Variants in SH3D21 observed in about 807,000 individuals in gnomAD.
The protein encoded by SH3D21 is manchette microtubule inner protein 1, also known as SH3 domain-containing protein 21.
In SH3D21, 83 loss-of-function variants were observed where a neutral mutation model predicts 82.1. The ratio of observed to expected loss-of-function variants is 1.01; its 90% CI spans 0.85 to 1.21. The LOEUF is 1.21. SH3D21 is among the 50% of genes most tolerant of loss of function. The pLI, the probability that SH3D21 is intolerant of heterozygous loss-of-function variation, is 0.00. For synonymous variants in SH3D21, 383 were observed against 387.8 expected, an observed-to-expected ratio of 0.99 and a Z score of 0.15; for missense variants, 980 against 962.1, an observed-to-expected ratio of 1.02 and a Z score of -0.25.
At chr1:36,313,972 C>CTTTTTTTTTTGTTTTTTTTTTTTT (rs1646291582) in intron 10 of SH3D21, among the ~76,000 whole-genome samples, 1 of 36,784 alleles carries the variant, frequency 2.7e-5, no homozygotes, top group Non-Finnish European at 5.4e-5. Flanking sequence ...AACATATTTT[C>CTTTTTTTTTTGTTTTTTTTTTTTT]TTTTTTTTTT....
In SH3D21 at chr1:36,306,660, G is replaced by A; in HGVS notation, c.67G>A (p.Asp23Asn). The A allele has an allele frequency of 1.5e-6, 2 of 1,300,230 alleles. No homozygotes were observed. Among genetic ancestry groups the A allele is most frequent in the Non-Finnish European group, 2.0e-6 (2 of 988,446 alleles). The allele number at this position is 1,300,230 out of a possible 1,614,324, so 80.5% of individuals were successfully genotyped here. The change falls in exon 2 of 16, where the codon GAC becomes AAC. Residue 23 changes from aspartate to asparagine, a missense_variant. Coordinates refer to ENST00000453908, the MANE Select transcript of SH3D21 (RefSeq NM_001162530.2). The surrounding 1 kb of genome is among the most constrained non-coding windows in gnomAD (Gnocchi z 4.5). Reference sequence around the variant, plus strand: ...GGACGAGCTGAGTCTGGCGCCCGGGGACGTGGTCCGGCAGGTGCGCTGGGT... The same window carrying A: ...GGACGAGCTGAGTCTGGCGCCCGGGAACGTGGTCCGGCAGGTGCGCTGGGT... ...KEDELSLAPGDVVRQVRWVPA... is the reference protein window; with the variant it reads ...KEDELSLAPGNVVRQVRWVPA...
chr1:36,320,675 C>T lies in SH3D21; in HGVS notation c.2012C>T (p.Ala671Val), dbSNP rs748438005. Reference sequence around the variant, plus strand: ...CCTCCAGACTCCCAAGAGACGCTCGCGCTCCCCTCGCTGGTCCCGCAAAAC... The same window carrying T: ...CCTCCAGACTCCCAAGAGACGCTCGTGCTCCCCTCGCTGGTCCCGCAAAAC... ...KPPPDSQETL[A>V]LPSLVPQNYT... is the part of the protein sequence containing the mutation. Residue 671 changes from alanine to valine, a missense_variant, in exon 14 of 16, where the codon GCG (alanine) becomes GTG (valine). By Grantham distance (64) the Ala-to-Val change is moderately conservative. Coordinates refer to ENST00000453908, the MANE Select transcript of SH3D21 (RefSeq NM_001162530.2). 1 of 1,614,250 alleles carries T rather than the reference C, an allele frequency of 6.2e-7. No individual in the cohort carries two copies. The highest frequency in any genetic ancestry group is 8.5e-7 in the Non-Finnish European group (1 of 1,180,044).
chr1:36,307,466 A>G lies in SH3D21; in HGVS notation c.346-51A>G. 6.5e-7 allele frequency: 1 copy of G among 1,539,916 alleles called. No individual in the cohort carries two copies. Among genetic ancestry groups the G allele is most frequent in the Non-Finnish European group, 8.8e-7 (1 of 1,138,374 alleles). On this transcript the variant is annotated intron_variant, in intron 4 of 15. Coordinates refer to ENST00000453908, the MANE Select transcript of SH3D21 (RefSeq NM_001162530.2). The surrounding 1 kb of genome is among the most constrained non-coding windows in gnomAD (Gnocchi z 5.4). ...AGAACCAAGGGTGGCAGATTATCCT[A>G]GGGACTCTTGGGGCAGAACCAGACG... is the stretch of plus-strand genomic sequence containing the variant.
intron 10 of SH3D21, among the ~76,000 whole-genome samples, chr1:36,317,854 G>T (rs529907687): frequency 7.9e-5 from 12 of 152,182 alleles, no homozygotes; most frequent in Non-Finnish European, 1.8e-4. Context: ...GTGGGCCACC[G>T]CGCCTAGCCC....
chr1:36,307,569 C>T lies in SH3D21; in HGVS notation c.398C>T (p.Pro133Leu), dbSNP rs1244762508. 1.3e-6 allele frequency: 2 copies of T among 1,551,670 alleles called. No individual in the cohort carries two copies. The highest frequency in any genetic ancestry group is 2.4e-5 in the East Asian group (1 of 40,916). Residue 133 changes from proline to leucine, a missense_variant, in exon 5 of 16, where the codon CCA becomes CTA. Physicochemically the swap from Pro to Leu is moderately conservative, Grantham distance 98 (BLOSUM62 -3). Transcript: ENST00000453908. The surrounding 1 kb of genome is among the most constrained non-coding windows in gnomAD (Gnocchi z 5.4). ...GKKNGQLGAF[P>L]SNFVELLDSG... is the part of the protein sequence containing the mutation. ...AAGAACGGGCAGCTGGGAGCCTTCC[C>T]ATCCAACTTTGTGGAATTGCTGGAC...
chr1:36,313,156 C>T (rs1187837007), intron 10 of SH3D21, among the ~76,000 whole-genome samples: 2 of 151,944 alleles, frequency 1.3e-5, no homozygotes. Flanking sequence ...AACCCCGTCT[C>T]TACTAAAAAT....
rs545289904 is a variant in SH3D21 at position 36,320,699 on chromosome 1, A to G, written c.2036A>G (p.Asn679Ser). Residue 679 changes from asparagine (N) to serine (S), a missense_variant, in exon 14 of 16, where the codon AAC becomes AGC. Coordinates refer to ENST00000453908, the MANE Select transcript of SH3D21 (RefSeq NM_001162530.2). ...TLALPSLVPQ[N>S]YTENKNEGVD... ...GCGCTCCCCTCGCTGGTCCCGCAAA[A>G]CTACACGGAAAACAAGAATGAAGGA... 6.2e-7 allele frequency: 1 copy of G among 1,614,098 alleles called. No individual in the cohort carries two copies. The highest frequency in any genetic ancestry group is 2.2e-5 in the East Asian group (1 of 44,890).
chr1:36,317,753 G>A (rs568250620), intron 10 of SH3D21, among the ~76,000 whole-genome samples: 4 of 152,140 alleles, frequency 2.6e-5, no homozygotes, highest in African/African-American at 9.6e-5. Context: ...TAGTAGAGAC[G>A]GGGTTTCACC....
chr1:36,317,912 A>G (rs917537611), intron 10 of SH3D21, among the ~76,000 whole-genome samples: 2 of 152,084 alleles, frequency 1.3e-5, no homozygotes, highest in Admixed American at 6.6e-5. Context: ...CTAACACACT[A>G]TGTATTTTAC....
Position 36,308,471 on chromosome 1 carries a change from C to T in SH3D21, c.722C>T (p.Pro241Leu). 7 of 1,551,400 alleles carry T rather than the reference C, an allele frequency of 4.5e-6. No individual in the cohort carries two copies. Among genetic ancestry groups the T allele is most frequent in the South Asian group, 1.2e-5 (1 of 84,022 alleles). The change falls in exon 9 of 16, where the codon CCC (proline) becomes CTC (leucine). Residue 241 changes from proline to leucine, a missense_variant. Coordinates refer to ENST00000453908, the MANE Select transcript of SH3D21 (RefSeq NM_001162530.2). ...VFPDNFVLPPPPIKKLVPRKV... is the reference protein window; with the variant it reads ...VFPDNFVLPPLPIKKLVPRKV... ...CCAGACAACTTTGTACTCCCACCACCCCCAGTGAGTACAGAGCCAAGACAC... is the reference window on the plus strand; with the variant it reads ...CCAGACAACTTTGTACTCCCACCACTCCCAGTGAGTACAGAGCCAAGACAC...
At chr1:36,327,570 A>G, downstream of SH3D21, 1 of 897,558 alleles carries the variant, frequency 1.1e-6, no homozygotes. Context: ...AGGCAAAAGT[A>G]TGTTTGTGTC....
At position 36,320,117 on chromosome 1, in the gene SH3D21, T is replaced by G; in HGVS notation, c.1454T>G (p.Val485Gly). The G allele has an allele frequency of 6.2e-7, 1 of 1,613,926 alleles. No homozygotes were observed. Among genetic ancestry groups the G allele is most frequent in the Non-Finnish European group, 8.5e-7 (1 of 1,180,012 alleles). Reference protein sequence around the residue: ...LGDEAPTLEKVLTPELSEEEV... With the variant: ...LGDEAPTLEKGLTPELSEEEV... ...GATGAGGCCCCCACTCTAGAAAAGG[T>G]CTTGACCCCAGAGCTTTCTGAAGAA... The change falls in exon 14 of 16, where the codon GTC (valine) becomes GGC (glycine). Residue 485 changes from valine to glycine, a missense_variant. Physicochemically the swap from Val to Gly is moderately radical, Grantham distance 109. Transcript: ENST00000453908.
intron 9 of SH3D21, 34 bp from the exon 10 acceptor site, chr1:36,309,514 A>T (rs1386499229): frequency 6.4e-7 from 1 of 1,550,782 alleles, no homozygotes; most frequent in African/African-American, 1.4e-5. Context: ...TTTTTAGATT[A>T]AGGATGCTCA....
In SH3D21 at chr1:36,307,938, C is replaced by T. The variant is rs1421434610; in HGVS notation, c.513C>T (p.Asp171=). Residue 171 remains aspartate, a synonymous_variant, in exon 7 of 16, where the codon GAC becomes GAT. Coordinates refer to ENST00000453908, the MANE Select transcript of SH3D21 (RefSeq NM_001162530.2). This position sits in a 1 kb window ranked among gnomAD's most constrained non-coding sequence, Gnocchi z 5.4. ...ACTAGCTGAGCAGCCTGGCCTATGA[C>T]AGCCCTCCAGACTACCTGCAGACAG... is the stretch of plus-strand genomic sequence containing the variant. The part of the protein sequence containing the change: ...RPPKLSSLAY[D]SPPDYLQTVS... 3 of 1,551,652 alleles carry T rather than the reference C, an allele frequency of 1.9e-6. No individual in the cohort carries two copies. In the African/African-American group the frequency reaches 4.1e-5, roughly 21 times the overall value.
downstream of SH3D21, chr1:36,322,828 C>A: frequency 2.0e-6 from 3 of 1,491,822 alleles, no homozygotes; most frequent in Non-Finnish European, 1.8e-6. Context: ...GGCCTGTAAC[C>A]CCTACTCGAA....
Position 36,307,966 on chromosome 1 carries a change from G to A in SH3D21, c.538+3G>A. The A allele has an allele frequency of 6.4e-7, 1 of 1,551,648 alleles. No homozygotes were observed. Among genetic ancestry groups the A allele is most frequent in the Middle Eastern group, 1.7e-4 (1 of 5,962 alleles). On this transcript the variant is annotated splice_donor_region_variant and intron_variant, in intron 7 of 15. Coordinates refer to ENST00000453908, the MANE Select transcript of SH3D21 (RefSeq NM_001162530.2). The surrounding 1 kb of genome is among the most constrained non-coding windows in gnomAD (Gnocchi z 5.4). ...CCCTCCAGACTACCTGCAGACAGGT[G>A]AGCACCCATCCAAAGGGTCCCCCAC...
downstream of SH3D21, chr1:36,322,318 G>A: frequency 6.4e-7 from 1 of 1,555,650 alleles, no homozygotes; most frequent in Non-Finnish European, 8.6e-7. Flanking sequence ...ATGCGGCCCA[G>A]GGTGCCCGTG....
chr1:36,329,485 G>T (rs1646573497), downstream of SH3D21, among the ~76,000 whole-genome samples: 1 of 152,158 alleles, frequency 6.6e-6, no homozygotes, highest in Non-Finnish European at 1.5e-5. Flanking sequence ...CACTTATGTT[G>T]TGCAGGATGT....
At position 36,320,749 on chromosome 1, in the gene SH3D21, G is replaced by C. The variant is rs1194297219; in HGVS notation, c.2086G>C (p.Glu696Gln). Reference protein sequence around the residue: ...EGVDVTSLRGEVESLRRALEL... With the variant: ...EGVDVTSLRGQVESLRRALEL... The stretch of plus-strand genomic sequence containing the variant: ...AGTTGATGTAACGTCGCTGAGGGGC[G>C]AGGTGGAGTCTCTAAGGAGGGCGCT... Residue 696 changes from glutamate (E) to glutamine (Q), a missense_variant, in exon 14 of 16, where the codon GAG becomes CAG. Physicochemically the swap from Glu to Gln is conservative, Grantham distance 29. Coordinates refer to ENST00000453908, the MANE Select transcript of SH3D21 (RefSeq NM_001162530.2). 45 of 1,602,902 alleles carry C rather than the reference G, an allele frequency of 2.8e-5. No homozygotes were observed. The highest frequency in any genetic ancestry group is 3.7e-5 in the Non-Finnish European group (43 of 1,174,484).
Sources: gnomAD v4.1 joint callset for allele counts (sites outside exome capture counted in the v4.1 genomes callset) on GRCh38, gnomAD v4.1.1 for gene constraint, Gnocchi (gnomAD v3.1) non-coding constraint, MANE v1.5 for transcripts, NCBI Gene and HGNC (gene_info 2026-07-23, HGNC 2026-07-21) for gene names.